Variants in NKAIN3 observed in about 807,000 individuals in gnomAD.
NKAIN3 encodes the protein sodium/potassium transporting ATPase interacting 3.
In NKAIN3, 25 loss-of-function variants were observed where a neutral mutation model predicts 30.2. The ratio of observed to expected loss-of-function variants is 0.83; its 90% CI spans 0.60 to 1.16. NKAIN3 has a LOEUF of 1.16. NKAIN3 is among the 50% of genes most tolerant of loss of function. The pLI is 0.00. For missense variants in NKAIN3, 225 were observed against 254.1 expected (o/e 0.89, Z 0.78); for synonymous variants, 91 against 89.6 (o/e 1.02, Z -0.09).
At chr8:62,676,862 C>T (rs1813494054) in intron 3 of NKAIN3, among the ~76,000 whole-genome samples, 1 of 151,838 alleles carries the variant, frequency 6.6e-6, no homozygotes, top group Admixed American at 6.6e-5. Flanking sequence ...GACAGGTGTG[C>T]ATCACCATGC....
chr8:62,739,275 A>AT (rs200793897), intron 3 of NKAIN3, among the ~76,000 whole-genome samples: 95 of 150,430 alleles, frequency 6.3e-4, no homozygotes, highest in African/African-American at 1.8e-3. Context: ...ACGAAAAAAA[A>AT]AAATATATAT....
rs562309748 is a variant in NKAIN3 at position 62,433,624 on chromosome 8, G to A, written c.55-145915G>A. 2.6e-5 allele frequency among the ~76,000 whole-genome samples: 4 copies of A among 152,202 alleles called. No individual in the cohort carries two copies. In the East Asian group the frequency reaches 7.7e-4, roughly 29 times the overall value. ...GACGGTGGGATTTTTCCCTAAGCAA[G>A]TTCTGTGTCCAGATTATTATAGGTT... On this transcript the variant is annotated intron_variant, in intron 1 of 6. Transcript: ENST00000623646.
chr8:62,790,883 T>C (rs1007408566), intron 4 of NKAIN3, among the ~76,000 whole-genome samples: 2 of 152,072 alleles, frequency 1.3e-5, no homozygotes, highest in Non-Finnish European at 2.9e-5. Flanking sequence ...TATCTCTGCC[T>C]AGGTGAGTGG....
chr8:62,611,563 T>C (rs1264997381), intron 3 of NKAIN3, among the ~76,000 whole-genome samples: 1 of 152,176 alleles, frequency 6.6e-6, no homozygotes, highest in African/African-American at 2.4e-5. Flanking sequence ...GTGCCTGGCT[T>C]ATTTCCCTTA....
At chr8:62,378,727 T>C (rs1817176426) in intron 1 of NKAIN3, among the ~76,000 whole-genome samples, 1 of 152,270 alleles carries the variant, frequency 6.6e-6, no homozygotes, top group African/African-American at 2.4e-5. Context: ...CACCTAGATT[T>C]CAGAGGAGGT....
At chr8:62,300,903 C>T (rs1469630461) in intron 1 of NKAIN3, among the ~76,000 whole-genome samples, 1 of 152,010 alleles carries the variant, frequency 6.6e-6, no homozygotes, top group Non-Finnish European at 1.5e-5. Context: ...ATGTAGAAAT[C>T]ATTACGAAGT....
intron 4 of NKAIN3, among the ~76,000 whole-genome samples, chr8:62,818,067 G>C (rs887961549): frequency 1.3e-5 from 2 of 152,088 alleles, no homozygotes; most frequent in African/African-American, 4.8e-5. Context: ...TTATCTGTGT[G>C]ACTTTATGAT....
intron 1 of NKAIN3, among the ~76,000 whole-genome samples, chr8:62,376,341 C>A (rs1425064363): frequency 6.6e-6 from 1 of 152,218 alleles, no homozygotes; most frequent in Non-Finnish European, 1.5e-5. Context: ...TAGCTTCTTT[C>A]CTTGCCTTAA....
intron 4 of NKAIN3, among the ~76,000 whole-genome samples, chr8:62,823,494 A>T (rs58876075): frequency 0.014 from 2,102 of 152,306 alleles, 50 homozygotes; most frequent in African/African-American, 0.049. Flanking sequence ...CAGTATTTAT[A>T]AAATGAATTT....
intron 1 of NKAIN3, among the ~76,000 whole-genome samples, chr8:62,438,885 C>T (rs1180758471): frequency 1.3e-5 from 2 of 152,076 alleles, no homozygotes; most frequent in Non-Finnish European, 2.9e-5. Flanking sequence ...TATTAAAATG[C>T]CAATGTTCAT....
intron 4 of NKAIN3, chr8:62,856,354 T>G: frequency 1.1e-6 from 1 of 878,664 alleles, no homozygotes; most frequent in Non-Finnish European, 2.0e-6. Context: ...GCTTGCTTCC[T>G]GGTCTCCTTG....
intron 5 of NKAIN3, among the ~76,000 whole-genome samples, chr8:62,953,425 A>G (rs1195317068): frequency 1.3e-5 from 2 of 152,198 alleles, no homozygotes; most frequent in African/African-American, 4.8e-5. Context: ...TCTTTGCAAA[A>G]GGCAGATGCC....
intron 1 of NKAIN3, among the ~76,000 whole-genome samples, chr8:62,367,576 C>T (rs1329277605): frequency 6.6e-6 from 1 of 152,114 alleles, no homozygotes; most frequent in Admixed American, 6.6e-5. Context: ...GTAAGGATTG[C>T]ACCTTACCAC....
chr8:62,529,832 T>G (rs1157200614), intron 1 of NKAIN3, among the ~76,000 whole-genome samples: 1 of 152,112 alleles, frequency 6.6e-6, no homozygotes, highest in Non-Finnish European at 1.5e-5. Context: ...ATGAAGAAAA[T>G]GAGCACTCGA....
At chr8:62,747,559 A>G (rs944995960) in intron 4 of NKAIN3, among the ~76,000 whole-genome samples, 2 of 152,204 alleles carry the variant, frequency 1.3e-5, no homozygotes, top group East Asian at 3.8e-4. Context: ...TTCCTTAAAA[A>G]ACAAATCCCA....
At chr8:62,365,930 A>C (rs2129592841) in intron 1 of NKAIN3, among the ~76,000 whole-genome samples, 1 of 152,266 alleles carries the variant, frequency 6.6e-6, no homozygotes. Context: ...GTAAATTTGG[A>C]CGTATTCCCC....
intron 1 of NKAIN3, among the ~76,000 whole-genome samples, chr8:62,330,410 T>C (rs879455151): frequency 1.3e-5 from 2 of 151,710 alleles, no homozygotes; most frequent in Admixed American, 1.3e-4. Flanking sequence ...TAAGAGAGGG[T>C]AGTGGCAGTA....
chr8:62,430,174 A>C (rs1269101051), intron 1 of NKAIN3, among the ~76,000 whole-genome samples: 3 of 151,844 alleles, frequency 2.0e-5, no homozygotes, highest in African/African-American at 7.2e-5. Flanking sequence ...AGCATGTATC[A>C]GAATTTCTTC....
chr8:62,511,321 CTG>C (rs1461071932), intron 1 of NKAIN3, among the ~76,000 whole-genome samples: 1 of 152,136 alleles, frequency 6.6e-6, no homozygotes, highest in African/African-American at 2.4e-5. Context: ...GCTCACTTCA[CTG>C]TACCTAGTCA....
Sources: gnomAD v4.1 joint callset for allele counts (sites outside exome capture counted in the v4.1 genomes callset) on GRCh38, gnomAD v4.1.1 for gene constraint, MANE v1.5 for transcripts, NCBI Gene and HGNC (gene_info 2026-07-23, HGNC 2026-07-21) for gene names.